AGBL1: variants seen among roughly 807,000 people sequenced by gnomAD.
AGBL1 encodes AGBL carboxypeptidase 1, also known as cytosolic carboxypeptidase 4.
A neutral mutation model predicts 118.9 loss-of-function variants in AGBL1; 130 were observed. The ratio of observed to expected loss-of-function variants is 1.09; its 90% confidence interval spans 0.95 to 1.26. The LOEUF is 1.26. AGBL1 is among the 50% of genes most tolerant of loss of function. AGBL1 has a pLI of 0.00. For missense variants in AGBL1, 1,584 were observed against 1,298.1 expected, an observed-to-expected ratio of 1.22 and a Z score of -3.38; for synonymous variants, 555 against 478.9, an observed-to-expected ratio of 1.16 and a Z score of -2.08.
At chr15:86,762,674 C>T (rs571059072) in intron 22 of AGBL1, among the ~76,000 whole-genome samples, 9 of 152,012 alleles carry the variant, frequency 5.9e-5, no homozygotes, top group African/African-American at 2.2e-4. Flanking sequence ...TGTATCCTAG[C>T]CCTGGTGCTA....
chr15:86,333,451 TG>T (rs1050530791), intron 17 of AGBL1, among the ~76,000 whole-genome samples: 1 of 152,180 alleles, frequency 6.6e-6, no homozygotes, highest in African/African-American at 2.4e-5. Context: ...GATAAATTCC[TG>T]GAAACACACT....
intron 21 of AGBL1, among the ~76,000 whole-genome samples, chr15:86,583,556 A>G (rs543212596): frequency 6.6e-6 from 1 of 152,242 alleles, no homozygotes; most frequent in Admixed American, 6.5e-5. Context: ...GTATATATGT[A>G]CATTTCCTTT....
At chr15:86,638,558 A>C (rs1219282630) in intron 21 of AGBL1, among the ~76,000 whole-genome samples, 1 of 152,124 alleles carries the variant, frequency 6.6e-6, no homozygotes, top group East Asian at 1.9e-4. Flanking sequence ...CTGAGGCAGC[A>C]TTCTCCTTTA....
rs115913148 is a variant in AGBL1, at chr15:86,128,017, G to A, written c.52-13987G>A. 8.9e-3 allele frequency among the ~76,000 whole-genome samples: 1,359 copies of A among 152,038 alleles called. 9 individuals are homozygous for A. Among genetic ancestry groups the A allele is most frequent in the African/African-American group, 0.021 (885 of 41,466 alleles). On this transcript the variant is annotated intron_variant, in intron 1 of 22. Coordinates refer to ENST00000614907, the MANE Select transcript of AGBL1 (RefSeq NM_001386094.1). ...ATTGGGCCATTCATATGTTTTTTTGGGGGGTGGTTGTTTTAGTGGGTAACA... is the reference window on the plus strand; with the variant it reads ...ATTGGGCCATTCATATGTTTTTTTGAGGGGTGGTTGTTTTAGTGGGTAACA...
Position 86,816,006 on chromosome 15 carries a change from G to C in AGBL1, c.3159-91081G>C, listed in dbSNP as rs911669863. Among the ~76,000 whole-genome samples, 6 of 152,258 alleles carry C rather than the reference G, an allele frequency of 3.9e-5. No individual in the cohort carries two copies. The East Asian group carries it at 5.8e-4, about 15-fold the overall frequency. On this transcript the variant is annotated intron_variant, in intron 22 of 22. Transcript: ENST00000614907. ...TAAGTGTAACAAGCATATATTTCAA[G>C]TCCTGGTGAGTAATTTGTGTTTTCA...
chr15:86,969,256 A>T, intron 23 of AGBL1, among the ~76,000 whole-genome samples: 1 of 151,970 alleles, frequency 6.6e-6, no homozygotes, highest in South Asian at 2.1e-4. Context: ...AGTGAAATCA[A>T]ACAAGTTATG....
At chr15:86,954,631 G>A (rs2080912371) in intron 23 of AGBL1, among the ~76,000 whole-genome samples, 1 of 152,108 alleles carries the variant, frequency 6.6e-6, no homozygotes, top group African/African-American at 2.4e-5. Context: ...TGGGAACATA[G>A]ACGCTGTGGA....
intron 18 of AGBL1, among the ~76,000 whole-genome samples, chr15:86,457,466 C>A (rs538443606): frequency 6.6e-6 from 1 of 152,084 alleles, no homozygotes; most frequent in Non-Finnish European, 1.5e-5. Flanking sequence ...GCAGGACATC[C>A]GGAGAATACT....
intron 9 of AGBL1, among the ~76,000 whole-genome samples, chr15:86,260,394 T>A (rs1686687851): frequency 6.6e-6 from 1 of 152,170 alleles, no homozygotes; most frequent in African/African-American, 2.4e-5. Flanking sequence ...TAGGGTGCCA[T>A]GATTTGATTG....
At chr15:86,186,709 C>T (rs117758298) in intron 5 of AGBL1, among the ~76,000 whole-genome samples, 2 of 152,310 alleles carry the variant, frequency 1.3e-5, no homozygotes, top group East Asian at 1.9e-4. Flanking sequence ...TTTGATCCAT[C>T]GATATCAATA....
In AGBL1 at chr15:86,715,855, G is replaced by A. The variant is rs893506083; in HGVS notation, c.3158+41419G>A. ...GGGCGGATCACAAGGTCAGGAGATC[G>A]AGACCATCCTGGCTAACATGGTGAA... On this transcript the variant is annotated intron_variant, in intron 22 of 22. Coordinates refer to ENST00000614907, the MANE Select transcript of AGBL1 (RefSeq NM_001386094.1). 3.9e-5 allele frequency among the ~76,000 whole-genome samples: 6 copies of A among 151,994 alleles called. No homozygotes were observed. In the East Asian group the frequency reaches 5.8e-4, roughly 15 times the overall value.
intron 22 of AGBL1, among the ~76,000 whole-genome samples, chr15:86,897,215 T>C (rs191747332): frequency 6.6e-6 from 1 of 152,340 alleles, no homozygotes; most frequent in East Asian, 1.9e-4. Flanking sequence ...TTGAAACTGC[T>C]ATAGTGCCTT....
chr15:86,675,627 G>A (rs564377904), intron 22 of AGBL1, among the ~76,000 whole-genome samples: 3 of 152,236 alleles, frequency 2.0e-5, no homozygotes, highest in African/African-American at 7.2e-5. Flanking sequence ...TGAAGGCTTC[G>A]TGTGTTTGGT....
intron 18 of AGBL1, among the ~76,000 whole-genome samples, chr15:86,418,436 C>A (rs1307261659): frequency 6.6e-6 from 1 of 152,192 alleles, no homozygotes; most frequent in Non-Finnish European, 1.5e-5. Context: ...GCTGGCACAG[C>A]TGGAACAATT....
At chr15:86,865,991 T>C (rs1023993290) in intron 22 of AGBL1, among the ~76,000 whole-genome samples, 21 of 152,178 alleles carry the variant, frequency 1.4e-4, no homozygotes, top group African/African-American at 4.6e-4. Flanking sequence ...TCATTTTCAT[T>C]ATCATTCTAA....
intron 22 of AGBL1, among the ~76,000 whole-genome samples, chr15:86,807,110 A>C (rs2141360359): frequency 6.6e-6 from 1 of 152,250 alleles, no homozygotes; most frequent in South Asian, 2.1e-4. Flanking sequence ...CCTAAGTCCA[A>C]GTTAGTTGAT....
intron 1 of AGBL1, 31 bp downstream of exon 1, chr15:86,080,054 G>C: frequency 8.1e-7 from 1 of 1,231,130 alleles, no homozygotes; most frequent in Non-Finnish European, 1.0e-6. Context: ...TGCAGAACCC[G>C]GCGGGCTGGG....
chr15:86,618,099 GA>G (rs2084755912), intron 21 of AGBL1, among the ~76,000 whole-genome samples: 1 of 152,142 alleles, frequency 6.6e-6, no homozygotes, highest in African/African-American at 2.4e-5. Context: ...ATATTCATTA[GA>G]GGGGGCTAAT....
At chr15:86,813,929 C>T (rs1317363366) in intron 22 of AGBL1, among the ~76,000 whole-genome samples, 1 of 152,138 alleles carries the variant, frequency 6.6e-6, no homozygotes, top group African/African-American at 2.4e-5. Context: ...GACCCTGAAC[C>T]CTGACTAGAA....
Sources: allele counts gnomAD v4.1 joint callset (sites outside exome capture counted in the v4.1 genomes callset), GRCh38; gene constraint gnomAD v4.1.1; transcripts MANE v1.5; gene names NCBI Gene and HGNC (gene_info 2026-07-23, HGNC 2026-07-21).